The following KALRN variants were observed in gnomAD, a reference collection of about 807,000 sequenced individuals.
KALRN encodes the protein kalirin.
Under a neutral mutation model 353.7 loss-of-function variants are expected in KALRN, and 70 were observed. That is an observed-to-expected ratio of 0.20 (90% CI 0.16 to 0.24). KALRN has a LOEUF of 0.24. Ranked by LOEUF, KALRN falls within the 10% of genes least tolerant of loss-of-function variation. The pLI, the probability that KALRN is intolerant of heterozygous loss-of-function variation, is 1.00. For missense variants in KALRN, 2,791 were observed against 3,756.7 expected, an observed-to-expected ratio of 0.74 and a Z score of 6.72; for synonymous variants, 1,391 against 1,434.8, an observed-to-expected ratio of 0.97 and a Z score of 0.69.
chr3:124,679,346 C>T, intron 50 of KALRN, 112 bp from the exon 51 acceptor site: 2 of 893,968 alleles, frequency 2.2e-6, no homozygotes, highest in South Asian at 1.6e-5. Context: ...TTTTTCTCTG[C>T]CCAAGATCCC....
intron 1 of KALRN, chr3:124,152,315 TGTTAA>T: frequency 1.1e-5 from 13 of 1,212,578 alleles, no homozygotes; most frequent in Non-Finnish European, 1.6e-5. Context: ...ATTGAAGTCT[TGTTAA>T]GCTTCACAAA....
intron 1 of KALRN, among the ~76,000 whole-genome samples, chr3:124,072,559 C>G (rs2060069163): frequency 6.6e-6 from 1 of 152,134 alleles, no homozygotes; most frequent in African/African-American, 2.4e-5. Flanking sequence ...AGCCCATCCT[C>G]CCACACCCCC....
chr3:124,611,283 A>C (rs539441941), intron 34 of KALRN, among the ~76,000 whole-genome samples: 1 of 152,210 alleles, frequency 6.6e-6, no homozygotes, highest in Admixed American at 6.5e-5. Flanking sequence ...CTCATTGATA[A>C]TGTTACCTAA....
intron 5 of KALRN, among the ~76,000 whole-genome samples, chr3:124,271,993 G>C (rs2074218001): frequency 6.6e-6 from 1 of 152,180 alleles, no homozygotes; most frequent in Admixed American, 6.5e-5. Flanking sequence ...GATACTCATG[G>C]ACTTAAGGAT....
chr3:124,247,165 A>C (rs1024646960), intron 3 of KALRN, among the ~76,000 whole-genome samples: 2 of 152,186 alleles, frequency 1.3e-5, no homozygotes, highest in Admixed American at 1.3e-4. Context: ...CTCTTCTGGC[A>C]GTTTAGGTGT....
At chr3:124,675,364 T>C (rs1474636176) in intron 49 of KALRN, 3 of 152,174 alleles carry the variant, frequency 2.0e-5, no homozygotes, top group African/African-American at 7.2e-5. Context: ...ATGTAACTAA[T>C]CAGTTTAAAT....
At chr3:124,520,371 C>G (rs1189895985) in intron 33 of KALRN, among the ~76,000 whole-genome samples, 9 of 152,110 alleles carry the variant, frequency 5.9e-5, no homozygotes, top group Non-Finnish European at 1.3e-4. Flanking sequence ...TCTCATTAGG[C>G]AAACTGGAAG....
At position 124,239,480 on chromosome 3, in the gene KALRN, T is replaced by A. The variant is rs146550562; in HGVS notation, c.263+4537T>A. On this transcript the variant is annotated intron_variant, in intron 3 of 59. Transcript: ENST00000682506. ...TCTGCTCTTAGCAGTTCCACTGAGA[T>A]ACTGAGTGTTCTGCCAAGGAATGTG... Among the ~76,000 whole-genome samples, 139 of 152,320 alleles carry A rather than the reference T, an allele frequency of 9.1e-4. 1 individual carries two copies. In the East Asian group the frequency reaches 0.021, roughly 23 times the overall value.
At chr3:124,558,492 T>A in intron 33 of KALRN, among the ~76,000 whole-genome samples, 1 of 152,248 alleles carries the variant, frequency 6.6e-6, no homozygotes, top group East Asian at 1.9e-4. Flanking sequence ...TTGGCCAGGC[T>A]GGTCTGGAAC....
intron 1 of KALRN, among the ~76,000 whole-genome samples, chr3:124,038,874 T>C (rs539342059): frequency 1.2e-4 from 18 of 152,366 alleles, no homozygotes; most frequent in African/African-American, 3.1e-4. Context: ...GTGAGGACTC[T>C]CTTTCCTCCA....
chr3:124,156,213 C>G (rs2068967239), intron 1 of KALRN, among the ~76,000 whole-genome samples: 1 of 152,346 alleles, frequency 6.6e-6, no homozygotes, highest in South Asian at 2.1e-4. Flanking sequence ...CTCTGCTTCT[C>G]TCTCCTGGGG....
chr3:124,229,152 A>G (rs1215324603), intron 2 of KALRN, among the ~76,000 whole-genome samples: 1 of 152,228 alleles, frequency 6.6e-6, no homozygotes, highest in African/African-American at 2.4e-5. Flanking sequence ...TTCTCGCTGT[A>G]ACAACAGAGT....
intron 6 of KALRN, among the ~76,000 whole-genome samples, chr3:124,304,748 A>G (rs1160516775): frequency 6.6e-6 from 1 of 152,154 alleles, no homozygotes; most frequent in Non-Finnish European, 1.5e-5. Flanking sequence ...CCAACTCAGT[A>G]AGTTTGAAAC....
intron 49 of KALRN, chr3:124,675,300 T>C (rs2087035784): frequency 6.6e-6 from 1 of 152,176 alleles, no homozygotes; most frequent in African/African-American, 2.4e-5. Flanking sequence ...CCCATATGGA[T>C]GAAGTCAGGA....
chr3:124,081,603 T>G (rs2060546418), intron 1 of KALRN, among the ~76,000 whole-genome samples: 1 of 152,014 alleles, frequency 6.6e-6, no homozygotes, highest in South Asian at 2.1e-4. Flanking sequence ...AGATGTTGTT[T>G]CTACTAAAAA....
intron 1 of KALRN, among the ~76,000 whole-genome samples, chr3:124,066,108 A>G (rs1232740834): frequency 3.9e-5 from 6 of 152,180 alleles, no homozygotes; most frequent in Non-Finnish European, 8.8e-5. Context: ...CAGAAGAGAT[A>G]TTGAGTCATC....
At chr3:124,039,650 A>C (rs1209206760) in intron 1 of KALRN, among the ~76,000 whole-genome samples, 1 of 152,268 alleles carries the variant, frequency 6.6e-6, no homozygotes, top group Non-Finnish European at 1.5e-5. Flanking sequence ...AGATTTGGGA[A>C]TAACAATCTA....
chr3:124,376,032 A>G (rs188719833), intron 10 of KALRN, among the ~76,000 whole-genome samples: 2 of 152,332 alleles, frequency 1.3e-5, no homozygotes, highest in African/African-American at 4.8e-5. Context: ...TTATAGGAAA[A>G]GGTGCTAAAG....
chr3:124,273,512 A>G (rs554142389), intron 5 of KALRN, among the ~76,000 whole-genome samples: 8 of 152,350 alleles, frequency 5.3e-5, no homozygotes, highest in African/African-American at 1.9e-4. Context: ...CATATTTAAC[A>G]TATATGATCT....
Sources: allele counts gnomAD v4.1 joint callset (sites outside exome capture counted in the v4.1 genomes callset), GRCh38; gene constraint gnomAD v4.1.1; transcripts MANE v1.5; gene names NCBI Gene and HGNC (gene_info 2026-07-23, HGNC 2026-07-21).